The following SLC2A13 variants were observed in gnomAD, a reference collection of about 807,000 sequenced individuals.
SLC2A13 encodes solute carrier family 2 member 13.
In SLC2A13, 32 loss-of-function variants were observed where a neutral mutation model predicts 64.4. The observed-to-expected ratio is 0.50, with a 90% CI of 0.37 to 0.67. The LOEUF (loss-of-function observed/expected upper bound fraction) is 0.67, where lower values mean the gene tolerates loss of function less well. Ranked by LOEUF, SLC2A13 falls within the 30% of genes least tolerant of loss-of-function variation. The pLI is 0.00. For synonymous variants in SLC2A13, 338 were observed against 327.1 expected (o/e 1.03, Z -0.36); for missense variants, 743 against 829.2 (o/e 0.90, Z 1.28).
At chr12:40,017,675 T>C (rs1453456146) in intron 3 of SLC2A13, among the ~76,000 whole-genome samples, 1 of 152,184 alleles carries the variant, frequency 6.6e-6, no homozygotes, top group Non-Finnish European at 1.5e-5. Context: ...TGGCCTCTTT[T>C]GGTGCCCCAT....
chr12:39,927,137 G>A (rs1945744260), intron 4 of SLC2A13, among the ~76,000 whole-genome samples: 1 of 152,084 alleles, frequency 6.6e-6, no homozygotes, highest in Admixed American at 6.6e-5. Flanking sequence ...ATTCTTGTCA[G>A]CCATATGTCT....
In SLC2A13 at chr12:40,105,170, C is replaced by G. The variant is rs1939264730; in HGVS notation, c.556+83G>C. ...ACCCTGGGAGACCAGACGGGGACCC[C>G]GATGGGCAAGAGGCACGCAACACCC... On this transcript the variant is annotated intron_variant, in intron 1 of 9. Coordinates refer to ENST00000280871, the MANE Select transcript of SLC2A13 (RefSeq NM_052885.4). The surrounding 1 kb of genome is among the most constrained non-coding windows in gnomAD (Gnocchi z 4.2). The G allele has an allele frequency of 2.1e-6, 3 of 1,425,946 alleles. No homozygotes were observed. 88.3% of individuals were successfully genotyped at this position (1,425,946 alleles called of 1,614,324 possible).
At chr12:39,938,413 A>AC (rs1384173052) in intron 4 of SLC2A13, among the ~76,000 whole-genome samples, 1 of 151,714 alleles carries the variant, frequency 6.6e-6, no homozygotes, top group East Asian at 1.9e-4. Flanking sequence ...TAAAAAAAAA[A>AC]ACACAACAAA....
At chr12:39,789,845 T>C (rs958303058) in intron 7 of SLC2A13, among the ~76,000 whole-genome samples, 1 of 152,198 alleles carries the variant, frequency 6.6e-6, no homozygotes, top group African/African-American at 2.4e-5. Context: ...TCTGCTTTTA[T>C]AGAGTGTCTA....
chr12:39,838,872 A>G (rs1943101368), intron 6 of SLC2A13, among the ~76,000 whole-genome samples: 2 of 152,114 alleles, frequency 1.3e-5, no homozygotes, highest in Middle Eastern at 3.4e-3. Flanking sequence ...GTCTCATTAA[A>G]CTCAATGAGA....
intron 1 of SLC2A13, among the ~76,000 whole-genome samples, chr12:40,060,632 T>C (rs2136251419): frequency 1.3e-5 from 2 of 152,254 alleles, no homozygotes; most frequent in Admixed American, 1.3e-4. Flanking sequence ...TTTTCAACAG[T>C]AACAATGGAA....
intron 4 of SLC2A13, among the ~76,000 whole-genome samples, chr12:39,948,651 T>A (rs927987804): frequency 5.3e-5 from 8 of 152,134 alleles, no homozygotes; most frequent in Non-Finnish European, 7.4e-5. Flanking sequence ...CACTCAGATT[T>A]TGAGGTAAAC....
At chr12:39,841,867 C>T (rs1386548570) in intron 6 of SLC2A13, among the ~76,000 whole-genome samples, 6 of 151,922 alleles carry the variant, frequency 3.9e-5, no homozygotes, top group South Asian at 2.1e-4. Context: ...CCAAGTAAGT[C>T]GACTAGTATT....
At chr12:40,013,994 A>C (rs1319640694) in intron 3 of SLC2A13, among the ~76,000 whole-genome samples, 1 of 152,212 alleles carries the variant, frequency 6.6e-6, no homozygotes, top group Non-Finnish European at 1.5e-5. Context: ...TGTATTTGGA[A>C]CATATCTATA....
chr12:39,805,683 TCTG>T (rs2135794252), intron 7 of SLC2A13, among the ~76,000 whole-genome samples: 1 of 152,314 alleles, frequency 6.6e-6, no homozygotes, highest in African/African-American at 2.4e-5. Flanking sequence ...GCTTAAATAA[TCTG>T]CTAATTAAAA....
intron 3 of SLC2A13, among the ~76,000 whole-genome samples, chr12:39,960,744 CTTTTTTTT>C (rs71434303): frequency 1.8e-5 from 2 of 108,846 alleles, no homozygotes; most frequent in African/African-American, 3.5e-5. Flanking sequence ...CTGTCTCATT[CTTTTTTTT>C]TTTTTTTTTT....
At chr12:39,783,402 T>G (rs925039061) in intron 7 of SLC2A13, among the ~76,000 whole-genome samples, 2 of 152,234 alleles carry the variant, frequency 1.3e-5, no homozygotes, top group East Asian at 3.8e-4. Flanking sequence ...GGGATGGCTG[T>G]GTCAAATGGT....
At chr12:39,813,540 T>C (rs943450029) in intron 7 of SLC2A13, among the ~76,000 whole-genome samples, 1 of 152,224 alleles carries the variant, frequency 6.6e-6, no homozygotes, top group South Asian at 2.1e-4. Context: ...TATAACAATA[T>C]GATTACTGCA....
chr12:39,978,784 A>G (rs1946821425), intron 3 of SLC2A13, among the ~76,000 whole-genome samples: 1 of 152,090 alleles, frequency 6.6e-6, no homozygotes, highest in African/African-American at 2.4e-5. Flanking sequence ...TTAGGTAAAC[A>G]AAGCAGCCTG....
At chr12:39,916,293 G>C (rs1044484532) in intron 4 of SLC2A13, among the ~76,000 whole-genome samples, 3 of 151,828 alleles carry the variant, frequency 2.0e-5, no homozygotes, top group Non-Finnish European at 2.9e-5. Flanking sequence ...TTTTTCCTTT[G>C]CTCTCAGTTG....
chr12:40,017,482 GC>G (rs1320043896), intron 3 of SLC2A13, among the ~76,000 whole-genome samples: 1 of 152,120 alleles, frequency 6.6e-6, no homozygotes, highest in Non-Finnish European at 1.5e-5. Flanking sequence ...TATTGCAAGA[GC>G]CTGAATAAAA....
chr12:39,986,344 T>C (rs1164732224), intron 3 of SLC2A13, among the ~76,000 whole-genome samples: 1 of 152,154 alleles, frequency 6.6e-6, no homozygotes, highest in Non-Finnish European at 1.5e-5. Context: ...GATCCATGCC[T>C]GTTTACTACA....
At chr12:39,925,415 A>C (rs1945709050) in intron 4 of SLC2A13, among the ~76,000 whole-genome samples, 1 of 152,120 alleles carries the variant, frequency 6.6e-6, no homozygotes, top group South Asian at 2.1e-4. Context: ...TAAATCTTTC[A>C]ATTTCTGCCA....
intron 4 of SLC2A13, among the ~76,000 whole-genome samples, chr12:39,896,472 ATGTATATG>A (rs1367332903): frequency 2.0e-5 from 3 of 146,374 alleles, no homozygotes; most frequent in African/African-American, 7.6e-5. Flanking sequence ...GTATACATAT[ATGTATATG>A]TGTATATATG....
Sources: allele counts gnomAD v4.1 joint callset (sites outside exome capture counted in the v4.1 genomes callset), GRCh38; gene constraint gnomAD v4.1.1; non-coding constraint Gnocchi (gnomAD v3.1); transcripts MANE v1.5; gene names NCBI Gene and HGNC (gene_info 2026-07-23, HGNC 2026-07-21).